OPCML: variants seen among roughly 807,000 people sequenced by gnomAD.
OPCML encodes opioid-binding protein/cell adhesion molecule.
A neutral mutation model predicts 37.8 loss-of-function variants in OPCML; 13 were observed. The ratio of observed to expected loss-of-function variants is 0.34; its 90% confidence interval spans 0.22 to 0.55. The LOEUF is 0.55. OPCML is among the 20% of genes least tolerant of loss of function. The pLI is 0.91. For synonymous variants in OPCML, 176 were observed against 168.8 expected (o/e 1.04, Z -0.33); for missense variants, 341 against 435.6 (o/e 0.78, Z 1.93).
rs1410029270 is a variant in OPCML at position 133,082,488 on chromosome 11, C to G, written c.62-139478G>C. Among the ~76,000 whole-genome samples the G allele has an allele frequency of 2.3e-4, 24 of 104,472 alleles. 4 individuals are homozygous for G. In the East Asian group the frequency reaches 5.9e-3, roughly 26 times the overall value. 68.5% of individuals were successfully genotyped at this position (104,472 alleles called of 152,430 possible). On this transcript the variant is annotated intron_variant, in intron 1 of 7. Coordinates refer to ENST00000524381, the MANE Select transcript of OPCML (RefSeq NM_001012393.5). Reference sequence around the variant, plus strand: ...TCCCCATCCTCCCCTCCCCACGCTCCCCTCTTCCCTTCCCCACCTGCCACC... The same window carrying G: ...TCCCCATCCTCCCCTCCCCACGCTCGCCTCTTCCCTTCCCCACCTGCCACC...
intron 1 of OPCML, among the ~76,000 whole-genome samples, chr11:133,130,828 TTA>T (rs1427701738): frequency 6.6e-6 from 1 of 152,012 alleles, no homozygotes; most frequent in Non-Finnish European, 1.5e-5. Context: ...CTAAAGAAAT[TTA>T]ATTAAGAACA....
chr11:133,219,225 C>T (rs1024567774), intron 1 of OPCML, among the ~76,000 whole-genome samples: 1 of 152,180 alleles, frequency 6.6e-6, no homozygotes, highest in African/African-American at 2.4e-5. Context: ...AGTGAGTATT[C>T]TGTAGGACTT....
intron 1 of OPCML, among the ~76,000 whole-genome samples, chr11:133,108,510 C>T (rs1347624008): frequency 6.6e-6 from 1 of 152,120 alleles, no homozygotes; most frequent in African/African-American, 2.4e-5. Context: ...GTTAGAATGT[C>T]GTGCGCTAGA....
intron 4 of OPCML, among the ~76,000 whole-genome samples, chr11:132,480,358 A>C (rs146861295): frequency 0.015 from 2,252 of 152,304 alleles, 54 homozygotes; most frequent in African/African-American, 0.051. Flanking sequence ...TTGAAGAAAT[A>C]TGGGACTATG....
At chr11:133,098,642 T>C (rs1949040267) in intron 1 of OPCML, among the ~76,000 whole-genome samples, 1 of 152,184 alleles carries the variant, frequency 6.6e-6, no homozygotes. Context: ...ATAAAATCTC[T>C]TAGCAAACTA....
intron 4 of OPCML, among the ~76,000 whole-genome samples, chr11:132,492,503 T>C: frequency 6.6e-6 from 1 of 152,068 alleles, no homozygotes; most frequent in East Asian, 1.9e-4. Flanking sequence ...TGGAGTGTTG[T>C]TGTTGTCATT....
chr11:133,448,699 C>T (rs926549057), intron 1 of OPCML, among the ~76,000 whole-genome samples: 1 of 152,148 alleles, frequency 6.6e-6, no homozygotes, highest in Non-Finnish European at 1.5e-5. Flanking sequence ...CTCAGGTGAT[C>T]GCCCGCCTCA....
At chr11:132,748,453 G>A (rs758420812) in intron 2 of OPCML, among the ~76,000 whole-genome samples, 1 of 152,190 alleles carries the variant, frequency 6.6e-6, no homozygotes, top group African/African-American at 2.4e-5. Flanking sequence ...GGGAGAGTTA[G>A]ATTTAAAAAT....
At position 133,119,361 on chromosome 11, in the gene OPCML, T is replaced by C. The variant is rs555492864; in HGVS notation, c.62-176351A>G. On this transcript the variant is annotated intron_variant, in intron 1 of 7. Coordinates refer to ENST00000524381, the MANE Select transcript of OPCML (RefSeq NM_001012393.5). ...CAAATATACATTTGGAATTCTACTA[T>C]TTCAGAAGGGCCTTCTGTCCCTGAT... Among the ~76,000 whole-genome samples the C allele has an allele frequency of 2.0e-5, 3 of 149,758 alleles. No individual in the cohort carries two copies. In the East Asian group the frequency reaches 5.8e-4, roughly 29 times the overall value.
At chr11:132,741,896 G>T (rs1678958843) in intron 2 of OPCML, among the ~76,000 whole-genome samples, 2 of 152,068 alleles carry the variant, frequency 1.3e-5, no homozygotes, top group South Asian at 4.2e-4. Context: ...GGGCATGGTG[G>T]TGCATGCCTG....
intron 3 of OPCML, among the ~76,000 whole-genome samples, chr11:132,638,298 C>T (rs2135714793): frequency 6.6e-6 from 1 of 151,430 alleles, no homozygotes; most frequent in East Asian, 2.0e-4. Flanking sequence ...TGTTCAGACC[C>T]CTGTATTTAA....
intron 2 of OPCML, among the ~76,000 whole-genome samples, chr11:132,747,968 A>G (rs1945692975): frequency 6.6e-6 from 1 of 151,970 alleles, no homozygotes; most frequent in African/African-American, 2.4e-5. Context: ...TGCTTAAAAG[A>G]GTTTGTGTCA....
intron 2 of OPCML, among the ~76,000 whole-genome samples, chr11:132,682,684 C>A (rs116061051): frequency 0.014 from 2,138 of 152,280 alleles, 47 homozygotes; most frequent in South Asian, 0.038. Context: ...AATGGAGCAA[C>A]CAGGGAGAGA....
At chr11:133,462,902 A>G (rs1299590288) in intron 1 of OPCML, among the ~76,000 whole-genome samples, 1 of 152,200 alleles carries the variant, frequency 6.6e-6, no homozygotes, top group Non-Finnish European at 1.5e-5. Flanking sequence ...AATAGCCTTC[A>G]TTACAATAGC....
intron 2 of OPCML, among the ~76,000 whole-genome samples, chr11:132,923,075 G>GA (rs912710922): frequency 3.2e-5 from 3 of 94,440 alleles, no homozygotes; most frequent in African/African-American, 6.2e-5. Context: ...CTCCGTCTCA[G>GA]AAAAAAATAA....
At chr11:132,703,273 C>T (rs1943901834) in intron 2 of OPCML, among the ~76,000 whole-genome samples, 1 of 152,080 alleles carries the variant, frequency 6.6e-6, no homozygotes, top group African/African-American at 2.4e-5. Flanking sequence ...GCAATTGTAA[C>T]ACAAGGGTAA....
At chr11:133,209,293 AT>A (rs2063487918) in intron 1 of OPCML, among the ~76,000 whole-genome samples, 1 of 152,240 alleles carries the variant, frequency 6.6e-6, no homozygotes. Flanking sequence ...TTCAACAATG[AT>A]TTGCTGAATG....
intron 3 of OPCML, among the ~76,000 whole-genome samples, chr11:132,594,125 C>A (rs189961576): frequency 6.6e-6 from 1 of 152,186 alleles, no homozygotes; most frequent in Non-Finnish European, 1.5e-5. Flanking sequence ...TATAAGCCTA[C>A]AAAGCAACAT....
At chr11:132,690,337 G>C (rs1565778629) in intron 2 of OPCML, among the ~76,000 whole-genome samples, 1 of 152,186 alleles carries the variant, frequency 6.6e-6, no homozygotes, top group African/African-American at 2.4e-5. Flanking sequence ...AATCAGTATA[G>C]CTGAAGTGGG....
Sources: allele counts gnomAD v4.1 joint callset (sites outside exome capture counted in the v4.1 genomes callset), GRCh38; gene constraint gnomAD v4.1.1; transcripts MANE v1.5; gene names NCBI Gene and HGNC (gene_info 2026-07-23, HGNC 2026-07-21).